MYRIP: variants seen among roughly 807,000 people sequenced by gnomAD.
MYRIP encodes the protein rab effector MyRIP.
A neutral mutation model predicts 98.0 loss-of-function variants in MYRIP; 49 were observed. The ratio of observed to expected loss-of-function variants is 0.50; its 90% CI spans 0.40 to 0.63. The LOEUF (loss-of-function observed/expected upper bound fraction) is 0.63, where lower values mean the gene tolerates loss of function less well. Ranked by LOEUF, MYRIP falls within the 30% of genes least tolerant of loss-of-function variation. The probability of loss-of-function intolerance (pLI) is 0.00; values close to 1 mark genes in which losing one functional copy is unlikely to be tolerated. For synonymous variants in MYRIP, 404 were observed against 409.5 expected, an observed-to-expected ratio of 0.99 and a Z score of 0.16; for missense variants, 1,004 against 1,058.2, an observed-to-expected ratio of 0.95 and a Z score of 0.71.
Position 40,234,037 on chromosome 3 carries a change from C to T in MYRIP, c.2084C>T (p.Thr695Ile), listed in dbSNP as rs1252393711. 1 of 1,603,552 alleles carries T rather than the reference C, an allele frequency of 6.2e-7. No individual in the cohort carries two copies. The highest frequency in any genetic ancestry group is 1.3e-5 in the African/African-American group (1 of 74,316). The change falls in exon 12 of 17, where the codon ACT becomes ATT. Residue 695 changes from threonine (T) to isoleucine (I), a missense_variant. This residue lies in a region of MYRIP where 880 missense variants were observed against 907.7 expected (regional missense o/e 0.97). Coordinates refer to ENST00000302541, the MANE Select transcript of MYRIP (RefSeq NM_015460.4). ...TDQVRLDEQL[T>I]SLEENVYLAA... ...CAAGTGAGACTGGATGAGCAGCTGA[C>T]TTCCCTGGAAGAAAATGTAAGAGGG...
At chr3:40,236,529 A>G (rs1265790613) in intron 12 of MYRIP, among the ~76,000 whole-genome samples, 1 of 152,204 alleles carries the variant, frequency 6.6e-6, no homozygotes, top group Non-Finnish European at 1.5e-5. Flanking sequence ...ATTTGCTAGT[A>G]ATGGATTTTT....
chr3:40,192,328 C>CATATATATATATGTTATAT (rs1951250103), intron 10 of MYRIP, among the ~76,000 whole-genome samples: 1 of 37,844 alleles, frequency 2.6e-5, no homozygotes, highest in African/African-American at 2.2e-4. Flanking sequence ...ATATATATGT[C>CATATATATATATGTTATAT]ATATATATAT....
At chr3:40,062,817 G>A (rs1948046812) in intron 3 of MYRIP, among the ~76,000 whole-genome samples, 1 of 152,110 alleles carries the variant, frequency 6.6e-6, no homozygotes, top group South Asian at 2.1e-4. Context: ...TATTTGTGCT[G>A]GTAGCATCGT....
rs543332212 is a variant in MYRIP at position 39,955,232 on chromosome 3, C to G, written c.110+54306C>G. Among the ~76,000 whole-genome samples the G allele has an allele frequency of 8.5e-5, 13 of 152,246 alleles. No homozygotes were observed. In the South Asian group the frequency reaches 2.7e-3, roughly 32 times the overall value. On this transcript the variant is annotated intron_variant, in intron 2 of 16. Coordinates refer to ENST00000302541, the MANE Select transcript of MYRIP (RefSeq NM_015460.4). ...CCATGACACCAATAATTGTCAGATT[C>G]ACCAAACTTGAAATTAAGGAAAAAA...
At chr3:40,158,120 C>G (rs1329253719) in intron 4 of MYRIP, among the ~76,000 whole-genome samples, 1 of 151,982 alleles carries the variant, frequency 6.6e-6, no homozygotes, top group African/African-American at 2.4e-5. Context: ...CCTGCTTTCT[C>G]TTGTGGGCAT....
chr3:39,818,274 G>T (rs1261917643), intron 1 of MYRIP, among the ~76,000 whole-genome samples: 1 of 152,278 alleles, frequency 6.6e-6, no homozygotes, highest in Middle Eastern at 3.4e-3. Context: ...GCCATCGGTA[G>T]TATATGAGTA....
chr3:39,986,472 G>T (rs1575439357), intron 2 of MYRIP, among the ~76,000 whole-genome samples: 1 of 147,684 alleles, frequency 6.8e-6, no homozygotes, highest in African/African-American at 2.6e-5. Context: ...CTCTCTCTCT[G>T]TCTCTTTCTC....
In MYRIP at chr3:39,847,449, G is replaced by A. The variant is rs115080490; in HGVS notation, c.-31+37533G>A. 6.2e-3 allele frequency among the ~76,000 whole-genome samples: 937 copies of A among 152,278 alleles called. 10 individuals are homozygous for A. Among genetic ancestry groups the A allele is most frequent in the African/African-American group, 0.021 (887 of 41,556 alleles). On this transcript the variant is annotated intron_variant, in intron 1 of 16. Transcript: ENST00000302541. Reference sequence around the variant, plus strand: ...AACAAAATAAGGAAGAAATACTCATGATAGTTACACTTCTTGTTTCTGTAA... The same window carrying A: ...AACAAAATAAGGAAGAAATACTCATAATAGTTACACTTCTTGTTTCTGTAA...
rs550627747 is a variant in MYRIP at position 40,103,494 on chromosome 3, C to T, written c.333-47554C>T. Among the ~76,000 whole-genome samples the T allele has an allele frequency of 2.0e-5, 3 of 152,354 alleles. No homozygotes were observed. In the East Asian group the frequency reaches 5.8e-4, roughly 29 times the overall value. On this transcript the variant is annotated intron_variant, in intron 3 of 16. Coordinates refer to ENST00000302541, the MANE Select transcript of MYRIP (RefSeq NM_015460.4). The stretch of plus-strand genomic sequence containing the variant: ...GGCCACAGAACTGGGCGTGGTGGCT[C>T]ACGCCTATAATCCCAACACTTTGGG...
chr3:39,824,921 TGGCCCA>T (rs1006921814), intron 1 of MYRIP, among the ~76,000 whole-genome samples: 13 of 152,296 alleles, frequency 8.5e-5, no homozygotes, highest in African/African-American at 3.1e-4. Context: ...TCCAACTATG[TGGCCCA>T]GGCTAGTCTC....
At chr3:39,996,714 A>G (rs1946368556) in intron 2 of MYRIP, among the ~76,000 whole-genome samples, 1 of 152,186 alleles carries the variant, frequency 6.6e-6, no homozygotes, top group Admixed American at 6.5e-5. Context: ...CTCCACCTCA[A>G]ATCAATAGAA....
chr3:40,184,988 T>G (rs1575605595), intron 9 of MYRIP, among the ~76,000 whole-genome samples: 1 of 152,350 alleles, frequency 6.6e-6, no homozygotes, highest in East Asian at 1.9e-4. Context: ...AAACTGTCCA[T>G]GCCAGCCTCA....
chr3:40,244,025 C>T (rs900519627), intron 12 of MYRIP, among the ~76,000 whole-genome samples: 3 of 152,150 alleles, frequency 2.0e-5, no homozygotes, highest in Non-Finnish European at 4.4e-5. Context: ...ATTATTTCCC[C>T]TCTTTCTTGT....
chr3:40,141,141 C>T (rs575503923), intron 3 of MYRIP, among the ~76,000 whole-genome samples: 1 of 152,176 alleles, frequency 6.6e-6, no homozygotes, highest in Non-Finnish European at 1.5e-5. Context: ...TTTTTAGGTC[C>T]CACAAATAAG....
intron 11 of MYRIP, among the ~76,000 whole-genome samples, chr3:40,214,284 C>G (rs543072708): frequency 6.6e-6 from 1 of 152,024 alleles, no homozygotes; most frequent in South Asian, 2.1e-4. Flanking sequence ...AGGGGGAGCT[C>G]AGCCAGGGCC....
chr3:40,145,706 T>C (rs1000005579), intron 3 of MYRIP, among the ~76,000 whole-genome samples: 2 of 152,204 alleles, frequency 1.3e-5, no homozygotes, highest in Non-Finnish European at 2.9e-5. Flanking sequence ...TGTGGATATG[T>C]GAAATTGTTT....
Position 40,259,463 on chromosome 3 carries a change from A to T in MYRIP, c.*1297A>T, listed in dbSNP as rs750290826. The stretch of plus-strand genomic sequence containing the variant: ...CAATGTTCTTCTCATTTGAATCCTT[A>T]TGGCAACCTTATTCAATAGGTTTTC... On this transcript the variant is annotated 3_prime_UTR_variant, in exon 17 of 17. Transcript: ENST00000302541. 20 of 152,244 alleles carry T rather than the reference A, an allele frequency of 1.3e-4. No homozygotes were observed. Among genetic ancestry groups the T allele is most frequent in the Non-Finnish European group, 2.4e-4 (16 of 68,044 alleles). The allele number at this position is 152,244 out of a possible 1,614,324, so 9.4% of individuals were successfully genotyped here.
chr3:39,865,978 G>A (rs956658594), intron 1 of MYRIP, among the ~76,000 whole-genome samples: 1 of 152,142 alleles, frequency 6.6e-6, no homozygotes, highest in Non-Finnish European at 1.5e-5. Context: ...ATACACCATG[G>A]AATACTATGC....
chr3:40,113,793 T>C (rs902203539), intron 3 of MYRIP, among the ~76,000 whole-genome samples: 3 of 151,928 alleles, frequency 2.0e-5, no homozygotes, highest in Non-Finnish European at 4.4e-5. Context: ...GGGTTCACGC[T>C]ATTCTCCTGC....
Sources: allele counts gnomAD v4.1 joint callset (sites outside exome capture counted in the v4.1 genomes callset), GRCh38; gene constraint gnomAD v4.1.1; regional missense constraint gnomAD v4.1.1; transcripts MANE v1.5; gene names NCBI Gene and HGNC (gene_info 2026-07-23, HGNC 2026-07-21).